Variants in PSD3 observed in about 807,000 individuals in gnomAD.
PSD3 encodes PH and SEC7 domain-containing protein 3.
Under a neutral mutation model 105.5 loss-of-function variants are expected in PSD3, and 49 were observed. That is an observed-to-expected ratio of 0.46 (90% CI 0.37 to 0.59). The LOEUF (loss-of-function observed/expected upper bound fraction) is 0.59. Among genes scored for constraint, PSD3 ranks in the 20% least tolerant of loss-of-function variants. The probability of loss-of-function intolerance (pLI) is 0.00; values close to 1 mark genes in which losing one functional copy is unlikely to be tolerated. For missense variants in PSD3, 1,561 were observed against 1,263.8 expected (o/e 1.24, Z -3.57); for synonymous variants, 557 against 457.8 (o/e 1.22, Z -2.77).
At chr8:18,864,626 G>A (rs369621258) in intron 4 of PSD3, 3 of 152,136 alleles carry the variant, frequency 2.0e-5, no homozygotes, top group East Asian at 3.9e-4. Context: ...TTTATGCAAT[G>A]TACTCAGACC....
chr8:18,920,084 T>C (rs1820908672), intron 2 of PSD3, among the ~76,000 whole-genome samples: 1 of 149,166 alleles, frequency 6.7e-6, no homozygotes, highest in African/African-American at 2.5e-5. Context: ...CCTAGAGAAC[T>C]ACTAAATTAG....
chr8:18,737,056 T>G (rs925519637), intron 9 of PSD3, among the ~76,000 whole-genome samples: 1 of 152,208 alleles, frequency 6.6e-6, no homozygotes, highest in Admixed American at 6.5e-5. Flanking sequence ...TTTTGTGGTT[T>G]AGTTGTCCAT....
intron 11 of PSD3, among the ~76,000 whole-genome samples, chr8:18,602,121 C>T (rs996841722): frequency 6.6e-6 from 1 of 152,162 alleles, no homozygotes; most frequent in African/African-American, 2.4e-5. Context: ...ACAGAAGAGC[C>T]ATAGGTCCTG....
chr8:18,876,955 T>A (rs993600390), intron 2 of PSD3, among the ~76,000 whole-genome samples: 5 of 152,216 alleles, frequency 3.3e-5, no homozygotes, highest in African/African-American at 1.2e-4. Flanking sequence ...TTGTCATGTG[T>A]TTTTTGGCCA....
At chr8:18,594,568 T>C (rs1237944937) in intron 12 of PSD3, among the ~76,000 whole-genome samples, 1 of 149,050 alleles carries the variant, frequency 6.7e-6, no homozygotes, top group Non-Finnish European at 1.5e-5. Context: ...GGAGTTCAAC[T>C]TGAAATGAAA....
At chr8:18,574,371 T>G (rs1802346616) in intron 13 of PSD3, among the ~76,000 whole-genome samples, 1 of 152,166 alleles carries the variant, frequency 6.6e-6, no homozygotes, top group African/African-American at 2.4e-5. Context: ...TATTTTTGAT[T>G]GAAAAAATCA....
intron 4 of PSD3, among the ~76,000 whole-genome samples, chr8:18,818,009 A>G (rs866446621): frequency 1.4e-4 from 22 of 152,300 alleles, no homozygotes; most frequent in African/African-American, 4.6e-4. Flanking sequence ...GCTGGAGTGC[A>G]GTGGCGCGAT....
At chr8:18,975,244 G>A (rs1391160893) in intron 1 of PSD3, among the ~76,000 whole-genome samples, 3 of 149,918 alleles carry the variant, frequency 2.0e-5, no homozygotes, top group African/African-American at 7.4e-5. Flanking sequence ...AATAGTTGCA[G>A]AAAAATAAAA....
chr8:18,732,103 A>G (rs1803798826), intron 9 of PSD3, among the ~76,000 whole-genome samples: 1 of 152,116 alleles, frequency 6.6e-6, no homozygotes, highest in South Asian at 2.1e-4. Flanking sequence ...TCCCCCTAGG[A>G]GCATTTCAGG....
intron 14 of PSD3, among the ~76,000 whole-genome samples, chr8:18,561,994 TGAGA>T (rs1801419753): frequency 6.6e-6 from 1 of 151,996 alleles, no homozygotes; most frequent in Non-Finnish European, 1.5e-5. Context: ...GAGAGAAGGA[TGAGA>T]GAGAAGCTGT....
chr8:18,726,914 G>A (rs1465949624), intron 9 of PSD3, among the ~76,000 whole-genome samples: 1 of 152,156 alleles, frequency 6.6e-6, no homozygotes, highest in East Asian at 1.9e-4. Flanking sequence ...TAGGCTGGGT[G>A]CGGTGGCTCA....
intron 2 of PSD3, among the ~76,000 whole-genome samples, chr8:18,902,817 G>T (rs1819593474): frequency 6.6e-6 from 1 of 152,206 alleles, no homozygotes; most frequent in Non-Finnish European, 1.5e-5. Flanking sequence ...GGCGTATGTT[G>T]TAGATGTTCG....
At position 18,804,879 on chromosome 8, in the gene PSD3, T is replaced by C. The variant is rs1811062695; in HGVS notation, c.1654A>G (p.Thr552Ala). 6.2e-7 allele frequency: 1 copy of C among 1,611,650 alleles called. No individual in the cohort carries two copies. Among genetic ancestry groups the C allele is most frequent in the African/African-American group, 1.3e-5 (1 of 74,972 alleles). Residue 552 changes from threonine (T) to alanine (A), a missense_variant, in exon 5 of 16, where the codon ACA becomes GCA. Transcript: ENST00000327040. ...FWGSNAGVKT[T>A]RLEAHSEMGS... is the part of the protein sequence containing the mutation. ...ATTTCAGAATGAGCTTCTAGCCGTGTTGTTTTCACCCCAGCATTGCTATGA... is the reference window on the plus strand; with the variant it reads ...ATTTCAGAATGAGCTTCTAGCCGTGCTGTTTTCACCCCAGCATTGCTATGA...
intron 2 of PSD3, among the ~76,000 whole-genome samples, chr8:18,879,319 A>C (rs1193012260): frequency 1.3e-5 from 2 of 152,196 alleles, no homozygotes; most frequent in Non-Finnish European, 2.9e-5. Flanking sequence ...GGCAAGGCAA[A>C]GCCCTGCGTG....
At chr8:19,034,579 C>T (rs1827881639) in intron 1 of PSD3, among the ~76,000 whole-genome samples, 1 of 152,192 alleles carries the variant, frequency 6.6e-6, no homozygotes, top group African/African-American at 2.4e-5. Context: ...TCGCTAGGTA[C>T]CAGGTGAAGG....
chr8:18,928,725 CTTG>C lies in PSD3; in HGVS notation c.130+7306_130+7308del, dbSNP rs753805871. ...CTTTCTCTTTTTCTTTCCTTCCTTCCTTGTTTCTTTCTTTCTTTCCTTCCTTCC... is the reference window on the plus strand; with the variant it reads ...CTTTCTCTTTTTCTTTCCTTCCTTCCTTTCTTTCTTTCTTTCCTTCCTTCC... On this transcript the variant is annotated intron_variant, in intron 2 of 15. Coordinates refer to ENST00000327040, the MANE Select transcript of PSD3 (RefSeq NM_015310.4). Among the ~76,000 whole-genome samples, 646 of 149,776 alleles carry C rather than the reference CTTG, an allele frequency of 4.3e-3. 4 individuals carry two copies. The highest frequency in any genetic ancestry group is 6.3e-3 in the Non-Finnish European group (422 of 67,388).
chr8:18,966,750 T>C (rs1586544841), intron 1 of PSD3, among the ~76,000 whole-genome samples: 1 of 152,136 alleles, frequency 6.6e-6, no homozygotes, highest in East Asian at 1.9e-4. Context: ...AACGGGCACA[T>C]CTTCTTGGGG....
chr8:18,977,933 T>C (rs1340932769), intron 1 of PSD3, among the ~76,000 whole-genome samples: 4 of 152,216 alleles, frequency 2.6e-5, no homozygotes, highest in Admixed American at 2.6e-4. Flanking sequence ...AGGCTTCCAA[T>C]GATGTAACCA....
chr8:18,848,967 T>C (rs1815345848), intron 4 of PSD3, among the ~76,000 whole-genome samples: 1 of 152,208 alleles, frequency 6.6e-6, no homozygotes, highest in African/African-American at 2.4e-5. Context: ...TTCAAAGCTG[T>C]AATGCAAGAT....
Sources: gnomAD v4.1 joint callset for allele counts (sites outside exome capture counted in the v4.1 genomes callset) on GRCh38, gnomAD v4.1.1 for gene constraint, MANE v1.5 for transcripts, NCBI Gene and HGNC (gene_info 2026-07-23, HGNC 2026-07-21) for gene names.